The following SNX24 variants were observed in gnomAD, a reference collection of about 807,000 sequenced individuals.
SNX24 encodes the protein sorting nexin-24.
In SNX24, 22 loss-of-function variants were observed where a neutral mutation model predicts 28.7. The observed-to-expected ratio is 0.77, with a 90% CI of 0.55 to 1.10. The LOEUF (loss-of-function observed/expected upper bound fraction) is 1.10. Among genes scored for constraint, SNX24 ranks in the 50% least tolerant of loss-of-function variants. The pLI, the probability that SNX24 is intolerant of heterozygous loss-of-function variation, is 0.00. For missense variants in SNX24, 221 were observed against 201.1 expected, an observed-to-expected ratio of 1.10 and a Z score of -0.60; for synonymous variants, 69 against 71.5, an observed-to-expected ratio of 0.96 and a Z score of 0.18.
At chr5:122,923,685 C>T (rs578172880) in intron 1 of SNX24, among the ~76,000 whole-genome samples, 12 of 152,280 alleles carry the variant, frequency 7.9e-5, no homozygotes, top group South Asian at 6.2e-4. Context: ...TCCCAAGCAA[C>T]CTTCCCTTCC....
At chr5:122,998,028 A>G (rs558114052) in intron 3 of SNX24, among the ~76,000 whole-genome samples, 6 of 152,348 alleles carry the variant, frequency 3.9e-5, no homozygotes, top group Non-Finnish European at 8.8e-5. Flanking sequence ...AGTTACAGGC[A>G]CTGAAATAAT....
chr5:123,002,324 T>G (rs946031730), intron 6 of SNX24, among the ~76,000 whole-genome samples: 2 of 152,158 alleles, frequency 1.3e-5, no homozygotes, highest in Non-Finnish European at 2.9e-5. Flanking sequence ...AAGGTTCAAA[T>G]TCAAGGCTCT....
chr5:122,946,648 G>A (rs747543400), intron 3 of SNX24, among the ~76,000 whole-genome samples: 48 of 152,106 alleles, frequency 3.2e-4, no homozygotes, highest in African/African-American at 9.2e-4. Context: ...TTGAAAATTC[G>A]AATGTCAATT....
chr5:123,001,253 C>T, intron 4 of SNX24, 152 bp from the exon 5 acceptor site: 2 of 650,378 alleles, frequency 3.1e-6, no homozygotes, highest in Admixed American at 2.6e-5. Flanking sequence ...GGGGCATAGC[C>T]ATGCTGTGGC....
chr5:123,014,640 C>T (rs138903498), intron 5 of SNX24, among the ~76,000 whole-genome samples: 1,937 of 152,262 alleles, frequency 0.013, 21 homozygotes, highest in Non-Finnish European at 0.018. Context: ...TTCATTTTTA[C>T]TGCAGTCCAT....
intron 2 of SNX24, among the ~76,000 whole-genome samples, chr5:122,941,003 G>T (rs1759421755): frequency 6.6e-6 from 1 of 152,116 alleles, no homozygotes; most frequent in Non-Finnish European, 1.5e-5. Flanking sequence ...CTCCACTTCA[G>T]CTTGTGTCCA....
At chr5:122,867,739 C>T (rs1755784912) in intron 1 of SNX24, among the ~76,000 whole-genome samples, 1 of 152,210 alleles carries the variant, frequency 6.6e-6, no homozygotes, top group Non-Finnish European at 1.5e-5. Flanking sequence ...CTGCTGAGAT[C>T]ACCCTTTGGT....
At chr5:123,022,698 T>C (rs1003676178) in intron 5 of SNX24, 3 of 152,324 alleles carry the variant, frequency 2.0e-5, no homozygotes, top group African/African-American at 7.2e-5. Context: ...TAGCTCACTA[T>C]AGCCCCGAAT....
intron 1 of SNX24, among the ~76,000 whole-genome samples, chr5:122,889,721 GTATGTGTATATATATA>G (rs1401569191): frequency 3.6e-4 from 27 of 75,682 alleles, no homozygotes; most frequent in Middle Eastern, 0.011. Context: ...ATATATATAT[GTATGTGTATATATATA>G]TATGTGTATA....
intron 1 of SNX24, among the ~76,000 whole-genome samples, chr5:122,908,545 A>T (rs1757747377): frequency 6.6e-6 from 1 of 152,250 alleles, no homozygotes; most frequent in South Asian, 2.1e-4. Flanking sequence ...TAGCATAGTG[A>T]CTATATAGAC....
intron 3 of SNX24, among the ~76,000 whole-genome samples, chr5:122,983,706 C>T (rs1165917850): frequency 6.6e-6 from 1 of 152,166 alleles, no homozygotes; most frequent in Non-Finnish European, 1.5e-5. Context: ...TAGGCTCAAG[C>T]AATCCTCCCG....
chr5:122,940,722 C>T (rs1041313814), intron 2 of SNX24, among the ~76,000 whole-genome samples: 1 of 152,100 alleles, frequency 6.6e-6, no homozygotes, highest in African/African-American at 2.4e-5. Context: ...CAGGCATGTA[C>T]CACCATGCTC....
At chr5:123,007,155 TG>T (rs769845171) in intron 6 of SNX24, among the ~76,000 whole-genome samples, 4 of 152,164 alleles carry the variant, frequency 2.6e-5, no homozygotes, top group African/African-American at 4.8e-5. Context: ...TGGCTTCTGT[TG>T]GAAATTTGCC....
At chr5:122,862,622 G>C (rs1352077050) in intron 1 of SNX24, among the ~76,000 whole-genome samples, 3 of 145,874 alleles carry the variant, frequency 2.1e-5, no homozygotes, top group Non-Finnish European at 3.0e-5. Flanking sequence ...AAAAAAAAGA[G>C]AAAGGAAGGA....
At chr5:122,881,838 T>G (rs932898682) in intron 1 of SNX24, among the ~76,000 whole-genome samples, 1 of 151,434 alleles carries the variant, frequency 6.6e-6, no homozygotes, top group Non-Finnish European at 1.5e-5. Context: ...AAAAAACATA[T>G]AGTAAATTAA....
chr5:122,903,282 A>AT (rs1315263664), intron 1 of SNX24, among the ~76,000 whole-genome samples: 1 of 151,816 alleles, frequency 6.6e-6, no homozygotes, highest in Non-Finnish European at 1.5e-5. Context: ...TAATATTCGT[A>AT]TTTTTTTAAA....
At chr5:122,942,822 T>G (rs2150122524) in intron 2 of SNX24, among the ~76,000 whole-genome samples, 1 of 152,310 alleles carries the variant, frequency 6.6e-6, no homozygotes, top group Middle Eastern at 3.4e-3. Flanking sequence ...TTGTCTCTCA[T>G]CTAAAGCAAT....
intron 1 of SNX24, among the ~76,000 whole-genome samples, chr5:122,915,069 C>T (rs1038519059): frequency 6.6e-6 from 1 of 152,076 alleles, no homozygotes; most frequent in African/African-American, 2.4e-5. Flanking sequence ...TTTTTTTAGA[C>T]TTTGGAATAT....
chr5:122,858,382 A>G (rs1009125213), intron 1 of SNX24, among the ~76,000 whole-genome samples: 6 of 152,280 alleles, frequency 3.9e-5, no homozygotes, highest in African/African-American at 1.4e-4. Flanking sequence ...TTAATTTGTA[A>G]TAAATGCAGT....
Sources: allele counts gnomAD v4.1 joint callset (sites outside exome capture counted in the v4.1 genomes callset), GRCh38; gene constraint gnomAD v4.1.1; transcripts MANE v1.5; gene names NCBI Gene and HGNC (gene_info 2026-07-23, HGNC 2026-07-21).